Variants in CTNNA2 observed in about 807,000 individuals in gnomAD.
The protein encoded by CTNNA2 is catenin alpha 2.
Under a neutral mutation model 101.0 loss-of-function variants are expected in CTNNA2, and 42 were observed. The observed-to-expected ratio is 0.42, with a 90% CI of 0.32 to 0.54. The LOEUF (loss-of-function observed/expected upper bound fraction) is 0.54. Ranked by LOEUF, CTNNA2 falls within the 20% of genes least tolerant of loss-of-function variation. The pLI, the probability that CTNNA2 is intolerant of heterozygous loss-of-function variation, is 0.14. For synonymous variants in CTNNA2, 450 were observed against 456.4 expected, an observed-to-expected ratio of 0.99 and a Z score of 0.18; for missense variants, 871 against 1,223.1, an observed-to-expected ratio of 0.71 and a Z score of 4.29.
intron 1 of CTNNA2, among the ~76,000 whole-genome samples, chr2:79,520,035 A>G (rs1672020454): frequency 1.3e-5 from 2 of 152,152 alleles, no homozygotes; most frequent in South Asian, 4.1e-4. Flanking sequence ...TATCCCCCTA[A>G]ATTCTATTTC....
intron 7 of CTNNA2, among the ~76,000 whole-genome samples, chr2:80,223,617 A>G (rs1708703542): frequency 1.3e-5 from 2 of 152,182 alleles, no homozygotes; most frequent in South Asian, 4.1e-4. Flanking sequence ...TTAAACAGCC[A>G]TATCACAGAA....
At chr2:80,079,972 A>C (rs181720303) in intron 7 of CTNNA2, among the ~76,000 whole-genome samples, 49 of 152,194 alleles carry the variant, frequency 3.2e-4, no homozygotes, top group African/African-American at 1.1e-3. Context: ...GTTTAAGATG[A>C]TCCATCTGCG....
intron 7 of CTNNA2, among the ~76,000 whole-genome samples, chr2:79,960,804 T>C (rs1228824243): frequency 6.6e-6 from 1 of 152,178 alleles, no homozygotes; most frequent in Non-Finnish European, 1.5e-5. Flanking sequence ...ACTGGAGCGA[T>C]AAGCAAGGAC....
At chr2:79,187,983 A>G (rs1673803368) in intron 1 of CTNNA2, among the ~76,000 whole-genome samples, 1 of 152,210 alleles carries the variant, frequency 6.6e-6, no homozygotes, top group South Asian at 2.1e-4. Flanking sequence ...GACTTAGTTA[A>G]TCAAGATCAT....
intron 4 of CTNNA2, among the ~76,000 whole-genome samples, chr2:79,376,201 G>A (rs1233867470): frequency 6.6e-6 from 1 of 152,088 alleles, no homozygotes; most frequent in Non-Finnish European, 1.5e-5. Context: ...TTAAGGTGCA[G>A]CAGACACCCA....
At chr2:80,614,555 T>C (rs1313284450) in intron 17 of CTNNA2, among the ~76,000 whole-genome samples, 1 of 151,410 alleles carries the variant, frequency 6.6e-6, no homozygotes. Context: ...GGGATATGTG[T>C]AAAACCCAGA....
At chr2:79,322,211 A>T (rs550232880) in intron 3 of CTNNA2, among the ~76,000 whole-genome samples, 2 of 152,230 alleles carry the variant, frequency 1.3e-5, no homozygotes, top group African/African-American at 4.8e-5. Flanking sequence ...TGTCATCAAC[A>T]AGGGCTGGAA....
At chr2:80,340,733 C>G (rs1044245283) in intron 7 of CTNNA2, among the ~76,000 whole-genome samples, 3 of 152,174 alleles carry the variant, frequency 2.0e-5, no homozygotes, top group African/African-American at 4.8e-5. Context: ...AAATATTTGA[C>G]TTTTTGGTTG....
chr2:79,961,561 G>C (rs576929417), intron 7 of CTNNA2, among the ~76,000 whole-genome samples: 2 of 152,164 alleles, frequency 1.3e-5, no homozygotes, highest in Admixed American at 6.5e-5. Context: ...GGTGGCTCAC[G>C]CCTGTAATCC....
intron 1 of CTNNA2, among the ~76,000 whole-genome samples, chr2:79,190,443 AT>A (rs1673838701): frequency 6.6e-6 from 1 of 152,150 alleles, no homozygotes; most frequent in Non-Finnish European, 1.5e-5. Context: ...TTCTACTTGG[AT>A]TTCATTCCTC....
At chr2:79,932,404 T>C (rs1687510790) in intron 7 of CTNNA2, among the ~76,000 whole-genome samples, 1 of 152,130 alleles carries the variant, frequency 6.6e-6, no homozygotes. Context: ...GAAATCATAG[T>C]TTAAAACCTT....
At chr2:79,489,540 T>C (rs933442512) in intron 4 of CTNNA2, among the ~76,000 whole-genome samples, 2 of 152,042 alleles carry the variant, frequency 1.3e-5, no homozygotes, top group African/African-American at 4.8e-5. Context: ...GGGCTTGGAG[T>C]TGATGTCCAA....
chr2:79,250,583 T>A (rs187011045), intron 2 of CTNNA2, among the ~76,000 whole-genome samples: 14 of 152,340 alleles, frequency 9.2e-5, no homozygotes, highest in African/African-American at 3.4e-4. Context: ...TTTTCTGGAT[T>A]TGCGTAAGAA....
At chr2:79,591,452 A>G (rs1295571422) in intron 1 of CTNNA2, among the ~76,000 whole-genome samples, 3 of 115,000 alleles carry the variant, frequency 2.6e-5, no homozygotes, top group Non-Finnish European at 5.6e-5. Flanking sequence ...AGACTCATTC[A>G]TGAAGACTAA....
In CTNNA2 at chr2:79,604,010, G is replaced by T. The variant is rs76425911; in HGVS notation, c.-5-47542G>T. ...TGACTTGGGGGACAGCAGTGAAATA[G>T]GATGAAGATGTATGAATCCTATGAT... is the stretch of plus-strand genomic sequence containing the variant. On this transcript the variant is annotated intron_variant, in intron 1 of 18. Transcript: ENST00000402739. Among the ~76,000 whole-genome samples, 29 of 152,310 alleles carry T rather than the reference G, an allele frequency of 1.9e-4. No homozygotes were observed. The East Asian group carries it at 5.6e-3, about 29-fold the overall frequency.
At chr2:79,626,892 T>A (rs1221351969) in intron 1 of CTNNA2, among the ~76,000 whole-genome samples, 1 of 152,020 alleles carries the variant, frequency 6.6e-6, no homozygotes, top group Non-Finnish European at 1.5e-5. Context: ...ATAAACAATT[T>A]TCCCGTAATG....
intron 6 of CTNNA2, among the ~76,000 whole-genome samples, chr2:79,882,101 AAT>A (rs1177921540): frequency 6.6e-6 from 1 of 151,964 alleles, no homozygotes; most frequent in Non-Finnish European, 1.5e-5. Flanking sequence ...CTGGGTTGAA[AAT>A]TCTTTTCTTT....
chr2:79,793,744 A>G (rs1204124027), intron 3 of CTNNA2, among the ~76,000 whole-genome samples: 1 of 152,192 alleles, frequency 6.6e-6, no homozygotes, highest in African/African-American at 2.4e-5. Context: ...CTCCTTCACC[A>G]TTAGGTCTTG....
chr2:80,408,005 C>G (rs897118872), intron 8 of CTNNA2, among the ~76,000 whole-genome samples: 3 of 152,122 alleles, frequency 2.0e-5, no homozygotes, highest in Non-Finnish European at 2.9e-5. Flanking sequence ...CACAAATGGC[C>G]AGAAACTTCA....
Sources: gnomAD v4.1 joint callset for allele counts (sites outside exome capture counted in the v4.1 genomes callset) on GRCh38, gnomAD v4.1.1 for gene constraint, MANE v1.5 for transcripts, NCBI Gene and HGNC (gene_info 2026-07-23, HGNC 2026-07-21) for gene names.